EXT2: variants seen among roughly 807,000 people sequenced by gnomAD.
EXT2 encodes the protein exostosin-2.
Under a neutral mutation model 81.6 loss-of-function variants are expected in EXT2, and 53 were observed. That is an observed-to-expected ratio of 0.65 (90% CI 0.52 to 0.82). The LOEUF (loss-of-function observed/expected upper bound fraction) is 0.82, where lower values mean the gene tolerates loss of function less well. Ranked by LOEUF, EXT2 falls within the 40% of genes least tolerant of loss-of-function variation. EXT2 has a pLI of 0.00. For missense variants in EXT2, 774 were observed against 910.2 expected (o/e 0.85, Z 1.93); for synonymous variants, 320 against 340.0 (o/e 0.94, Z 0.65).
intron 1 of EXT2, among the ~76,000 whole-genome samples, chr11:44,102,252 A>G (rs575805446): frequency 2.0e-4 from 31 of 152,308 alleles, no homozygotes; most frequent in Non-Finnish European, 4.1e-4. Context: ...GTTCGGGCTG[A>G]TAACAGTACC....
intron 10 of EXT2, among the ~76,000 whole-genome samples, chr11:44,216,329 C>G (rs1225938975): frequency 6.6e-6 from 1 of 152,160 alleles, no homozygotes; most frequent in African/African-American, 2.4e-5. Context: ...ACAGGCAGAT[C>G]TGTAAGGTGT....
At chr11:44,109,021 T>TG (rs1954102472) in intron 2 of EXT2, among the ~76,000 whole-genome samples, 173 bp from the exon 3 acceptor site, 1 of 152,236 alleles carries the variant, frequency 6.6e-6, no homozygotes, top group South Asian at 2.1e-4. Flanking sequence ...TTCCCTGTCA[T>TG]GGAGCCAGAC....
chr11:44,179,196 G>A (rs920457846), intron 8 of EXT2, among the ~76,000 whole-genome samples: 3 of 151,998 alleles, frequency 2.0e-5, no homozygotes, highest in Admixed American at 1.3e-4. Context: ...ATGAAAAGAC[G>A]GACTCGAGGA....
chr11:44,238,733 G>A (rs1955999996), intron 13 of EXT2, among the ~76,000 whole-genome samples: 1 of 152,178 alleles, frequency 6.6e-6, no homozygotes, highest in South Asian at 2.1e-4. Flanking sequence ...AAATCACTAG[G>A]ATCCCAACTA....
chr11:44,130,167 A>G (rs377400903), intron 7 of EXT2, 29 bp downstream of exon 7: 37 of 1,576,524 alleles, frequency 2.3e-5, no homozygotes, highest in Middle Eastern at 1.7e-4. Flanking sequence ...GGGAGGTGAC[A>G]TGGGTGGTAC....
chr11:44,168,800 C>G (rs542672893), intron 7 of EXT2, among the ~76,000 whole-genome samples: 1 of 152,108 alleles, frequency 6.6e-6, no homozygotes, highest in South Asian at 2.1e-4. Context: ...AAAGAGTCAC[C>G]CACGAATTCT....
At chr11:44,117,073 G>A (rs761086020) in intron 4 of EXT2, among the ~76,000 whole-genome samples, 12 of 151,306 alleles carry the variant, frequency 7.9e-5, no homozygotes, top group Non-Finnish European at 1.3e-4. Context: ...AGATTCAAGC[G>A]ATTCTCCTGC....
chr11:44,175,755 A>T (rs750196208), intron 8 of EXT2, among the ~76,000 whole-genome samples: 5 of 152,206 alleles, frequency 3.3e-5, no homozygotes, highest in Admixed American at 6.5e-5. Flanking sequence ...TAATTCAGAC[A>T]GGAAGATCTT....
rs1956072010 is a variant in EXT2 at position 44,244,233 on chromosome 11, C to T, written c.2103C>T (p.Tyr701=). 1 of 1,614,044 alleles carries T rather than the reference C, an allele frequency of 6.2e-7. No individual in the cohort carries two copies. Among genetic ancestry groups the T allele is most frequent in the Non-Finnish European group, 8.5e-7 (1 of 1,179,956 alleles). ...VVEHRADPVL[Y]KDDFPEKLKS... ...AACACCGAGCTGACCCTGTCCTGTACAAAGATGACTTTCCTGAGAAGCTGA... is the reference window on the plus strand; with the variant it reads ...AACACCGAGCTGACCCTGTCCTGTATAAAGATGACTTTCCTGAGAAGCTGA... Residue 701 remains tyrosine (Y), a synonymous_variant, in exon 14 of 14, where the codon TAC becomes TAT. Transcript: ENST00000533608.
intron 10 of EXT2, among the ~76,000 whole-genome samples, chr11:44,222,666 T>C (rs146045423): frequency 6.6e-6 from 1 of 151,226 alleles, no homozygotes; most frequent in South Asian, 2.1e-4. Context: ...ATGTAAAACA[T>C]GAAACCATAA....
intron 13 of EXT2, among the ~76,000 whole-genome samples, chr11:44,239,986 ATTAC>A (rs1956018184): frequency 6.6e-6 from 1 of 152,124 alleles, no homozygotes; most frequent in South Asian, 2.1e-4. Flanking sequence ...TCATCTCTAG[ATTAC>A]TTACAATCCC....
At chr11:44,138,284 A>G (rs143491539) in intron 7 of EXT2, among the ~76,000 whole-genome samples, 1,815 of 152,308 alleles carry the variant, frequency 0.012, 19 homozygotes, top group Middle Eastern at 0.027. Flanking sequence ...AATTGAAGAG[A>G]TTTAGGAAAG....
intron 4 of EXT2, among the ~76,000 whole-genome samples, chr11:44,119,169 T>TATATATATATATACATATATATAC (rs1192115471): frequency 1.6e-5 from 1 of 63,130 alleles, no homozygotes; most frequent in African/African-American, 5.9e-5. Flanking sequence ...TATATATATA[T>TATATATATATATACATATATATAC]ACACATACAC....
intron 5 of EXT2, among the ~76,000 whole-genome samples, chr11:44,125,778 CAG>C (rs1214143457): frequency 6.6e-6 from 1 of 151,800 alleles, no homozygotes; most frequent in Admixed American, 6.6e-5. Flanking sequence ...TGGCTGGTAA[CAG>C]TGGTGATGAG....
chr11:44,121,497 G>A (rs2135006017), intron 4 of EXT2, among the ~76,000 whole-genome samples: 1 of 152,118 alleles, frequency 6.6e-6, no homozygotes, highest in East Asian at 1.9e-4. Context: ...CTGACTCCTA[G>A]AAATCTGGCT....
chr11:44,241,569 G>A (rs1193000298), intron 13 of EXT2, among the ~76,000 whole-genome samples: 4 of 152,232 alleles, frequency 2.6e-5, no homozygotes, highest in Non-Finnish European at 4.4e-5. Flanking sequence ...TTCCTTCCCG[G>A]TTTCCCCAGT....
At chr11:44,125,283 A>G (rs915382263) in intron 5 of EXT2, among the ~76,000 whole-genome samples, 31 of 152,192 alleles carry the variant, frequency 2.0e-4, no homozygotes, top group Admixed American at 5.9e-4. Context: ...AAGCAGGCAA[A>G]TGTATCTTGC....
chr11:44,143,231 C>T (rs1440148186), intron 7 of EXT2, among the ~76,000 whole-genome samples: 1 of 152,226 alleles, frequency 6.6e-6, no homozygotes, highest in East Asian at 1.9e-4. Context: ...GGATTACAGG[C>T]ATGAGCCATC....
At chr11:44,185,397 T>G (rs1955296912) in intron 8 of EXT2, among the ~76,000 whole-genome samples, 2 of 152,236 alleles carry the variant, frequency 1.3e-5, no homozygotes, top group Admixed American at 1.3e-4. Flanking sequence ...ACTACATTTC[T>G]ATGTTTTATA....
Sources: allele counts gnomAD v4.1 joint callset (sites outside exome capture counted in the v4.1 genomes callset), GRCh38; gene constraint gnomAD v4.1.1; transcripts MANE v1.5; gene names NCBI Gene and HGNC (gene_info 2026-07-23, HGNC 2026-07-21).